The following TPTE2 variants were observed in gnomAD, a reference collection of about 807,000 sequenced individuals.
TPTE2 encodes the protein phosphatidylinositol 3,4,5-trisphosphate 3-phosphatase TPTE2.
Under a neutral mutation model 78.6 loss-of-function variants are expected in TPTE2, and 53 were observed. The ratio of observed to expected loss-of-function variants is 0.67; its 90% confidence interval spans 0.54 to 0.85. The LOEUF (loss-of-function observed/expected upper bound fraction) is 0.85. Among genes scored for constraint, TPTE2 ranks in the 40% least tolerant of loss-of-function variants. The pLI is 0.00. For synonymous variants in TPTE2, 175 were observed against 206.2 expected (o/e 0.85, Z 1.30); for missense variants, 461 against 623.0 (o/e 0.74, Z 2.77).
the TPTE2 span, among the ~76,000 whole-genome samples, chr13:19,557,089 T>C: frequency 8.5e-5 from 13 of 152,246 alleles, no homozygotes; most frequent in African/African-American, 3.1e-4. Context: ...TCTCCTCTTC[T>C]AGACAGTAAG....
chr13:19,457,065 T>C (rs1020976359), intron 10 of TPTE2, among the ~76,000 whole-genome samples: 17 of 152,162 alleles, frequency 1.1e-4, no homozygotes, highest in African/African-American at 3.1e-4. Context: ...CTGCAATTCA[T>C]TGGGGGAAAT....
At chr13:19,544,879 G>A in the TPTE2 span, among the ~76,000 whole-genome samples, 3 of 151,860 alleles carry the variant, frequency 2.0e-5, no homozygotes, top group Admixed American at 1.3e-4. Flanking sequence ...TCCAGCCCAG[G>A]TGATAGAGTG....
the TPTE2 span, among the ~76,000 whole-genome samples, chr13:19,544,876 C>T: frequency 6.6e-6 from 1 of 151,878 alleles, no homozygotes; most frequent in African/African-American, 2.4e-5. Flanking sequence ...CAGTCCAGCC[C>T]AGGTGATAGA....
exon 20 of TPTE2, chr13:19,423,020 G>A (rs376859767): frequency 2.5e-6 from 4 of 1,603,080 alleles, no homozygotes; most frequent in African/African-American, 2.7e-5. Context: ...AGGGGAAGGG[G>A]GAGCTATACT....
intron 1 of TPTE2, among the ~76,000 whole-genome samples, chr13:19,513,159 T>C (rs1468292921): frequency 2.6e-5 from 4 of 152,210 alleles, no homozygotes; most frequent in East Asian, 1.9e-4. Flanking sequence ...AAAGTACCAA[T>C]TATATTTGAA....
intron 7 of TPTE2, among the ~76,000 whole-genome samples, chr13:19,465,842 A>T (rs1318357506): frequency 6.6e-6 from 1 of 152,198 alleles, no homozygotes; most frequent in African/African-American, 2.4e-5. Context: ...CCACCCTCTT[A>T]TGACAATGAT....
chr13:19,515,524 C>T (rs1345777955), intron 1 of TPTE2, among the ~76,000 whole-genome samples: 3 of 152,094 alleles, frequency 2.0e-5, no homozygotes, highest in African/African-American at 4.8e-5. Context: ...GACCAAATCT[C>T]GTTAGCCTGG....
At chr13:19,561,127 G>C in the TPTE2 span, 1 of 1,604,424 alleles carries the variant, frequency 6.2e-7, no homozygotes, top group Non-Finnish European at 8.5e-7. Flanking sequence ...GGAGGCAGTG[G>C]GTGGGAGCTG....
chr13:19,551,821 G>A, the TPTE2 span, among the ~76,000 whole-genome samples: 1 of 151,944 alleles, frequency 6.6e-6, no homozygotes. Context: ...GTTAAAATAT[G>A]GACTACATTT....
rs573927476 is a variant in TPTE2, at chr13:19,489,763, A to ATG, written c.119+3085_119+3086dup. ...ACACACATATATACATGTGTGTTAT[A>ATG]TGTGTGTGTGTGTGTAGATCCTTTA... On this transcript the variant is annotated intron_variant, in intron 3 of 19. Transcript: ENST00000400230. 6.8e-3 allele frequency among the ~76,000 whole-genome samples: 86 copies of ATG among 12,702 alleles called. No homozygotes were observed. The East Asian group carries it at 0.11, about 17-fold the overall frequency. The allele number at this position is 12,702 out of a possible 152,430, so 8.3% of individuals were successfully genotyped here.
chr13:19,560,773 A>C, the TPTE2 span: 3 of 1,467,674 alleles, frequency 2.0e-6, no homozygotes, highest in Middle Eastern at 7.3e-4. Context: ...CGGGAAGGGC[A>C]GCGGGTCCAC....
At chr13:19,426,331 C>G (rs748072255) in intron 18 of TPTE2, 94 bp downstream of exon 21, 1 of 882,164 alleles carries the variant, frequency 1.1e-6, no homozygotes, top group Non-Finnish European at 1.9e-6. Flanking sequence ...CTCCCCCTCC[C>G]CCTCCCTTGT....
chr13:19,482,876 T>C (rs1309467299), intron 3 of TPTE2, among the ~76,000 whole-genome samples: 1 of 151,646 alleles, frequency 6.6e-6, no homozygotes, highest in African/African-American at 2.4e-5. Flanking sequence ...TATAGACATA[T>C]ATCAAAGACA....
chr13:19,493,674 A>G, intron 1 of TPTE2, 173 bp from the exon 5 acceptor site: 4 of 691,576 alleles, frequency 5.8e-6, no homozygotes, highest in Non-Finnish European at 1.0e-5. Context: ...ATGAGGATGT[A>G]TATGACGACA....
chr13:19,516,578 C>T (rs1593413866), intron 1 of TPTE2, among the ~76,000 whole-genome samples: 1 of 152,174 alleles, frequency 6.6e-6, no homozygotes. Flanking sequence ...ACCAATTTCA[C>T]TAATAAAAAC....
chr13:19,503,092 G>A (rs773840197), intron 1 of TPTE2, 132 bp downstream of exon 4: 1 of 1,313,736 alleles, frequency 7.6e-7, no homozygotes, highest in Non-Finnish European at 1.1e-6. Flanking sequence ...TAGTGGATGT[G>A]TTTGGGAGAA....
At chr13:19,502,541 C>T (rs1321741259) in intron 1 of TPTE2, among the ~76,000 whole-genome samples, 3 of 149,792 alleles carry the variant, frequency 2.0e-5, no homozygotes, top group Admixed American at 6.7e-5. Flanking sequence ...AGTAAACTAT[C>T]GCAAGAACAA....
At chr13:19,468,241 A>G (rs1879410366) in intron 6 of TPTE2, among the ~76,000 whole-genome samples, 1 of 151,508 alleles carries the variant, frequency 6.6e-6, no homozygotes, top group African/African-American at 2.4e-5. Flanking sequence ...GGGTTTCTCC[A>G]TGTTGGTCAG....
intron 1 of TPTE2, among the ~76,000 whole-genome samples, chr13:19,513,808 T>C (rs2047143043): frequency 1.3e-5 from 2 of 152,204 alleles, no homozygotes; most frequent in Non-Finnish European, 2.9e-5. Context: ...CAAATTTAAC[T>C]TAAATTTGCT....
Sources: gnomAD v4.1 joint callset for allele counts (sites outside exome capture counted in the v4.1 genomes callset) on GRCh38, gnomAD v4.1.1 for gene constraint, MANE v1.5 for transcripts, NCBI Gene and HGNC (gene_info 2026-07-23, HGNC 2026-07-21) for gene names.